The following ADGRL3 variants were observed in gnomAD, a reference collection of about 807,000 sequenced individuals.
ADGRL3 encodes the protein adhesion G protein-coupled receptor L3.
Under a neutral mutation model 153.5 loss-of-function variants are expected in ADGRL3, and 62 were observed. That is an observed-to-expected ratio of 0.40 (90% CI 0.33 to 0.50). The LOEUF (loss-of-function observed/expected upper bound fraction) is 0.50. ADGRL3 is among the 20% of genes least tolerant of loss of function. The pLI, the probability that ADGRL3 is intolerant of heterozygous loss-of-function variation, is 0.47. For synonymous variants in ADGRL3, 710 were observed against 672.5 expected, an observed-to-expected ratio of 1.06 and a Z score of -0.86; for missense variants, 1,641 against 1,859.4, an observed-to-expected ratio of 0.88 and a Z score of 2.16.
chr4:61,335,264 T>C (rs1316802744), intron 1 of ADGRL3, among the ~76,000 whole-genome samples: 1 of 152,138 alleles, frequency 6.6e-6, no homozygotes, highest in East Asian at 1.9e-4. Context: ...GGGATACCTA[T>C]AAAAGCAGGA....
chr4:61,700,432 T>C (rs2095734725), intron 6 of ADGRL3, among the ~76,000 whole-genome samples: 1 of 152,164 alleles, frequency 6.6e-6, no homozygotes, highest in Non-Finnish European at 1.5e-5. Context: ...ACAAAAGTAT[T>C]ACAAAACGGT....
At chr4:61,567,959 A>G (rs985049337) in intron 4 of ADGRL3, among the ~76,000 whole-genome samples, 8 of 152,190 alleles carry the variant, frequency 5.3e-5, no homozygotes, top group Admixed American at 4.6e-4. Flanking sequence ...TGGAACCTCC[A>G]TTGAATTATC....
rs558507614 is a variant in ADGRL3 at position 62,073,463 on chromosome 4, T to A, written c.*2555T>A. 2.0e-5 allele frequency: 3 copies of A among 152,160 alleles called. No homozygotes were observed. The South Asian group carries it at 6.2e-4, about 31-fold the overall frequency. 9.4% of individuals were successfully genotyped at this position (152,160 alleles called of 1,614,324 possible). On this transcript the variant is annotated 3_prime_UTR_variant, in exon 27 of 27. Transcript: ENST00000683033. ...CATTTGGCAATAAAAGAATCCTTTTTAGATGTGTTTATGGTAACTTCAGAA... is the reference window on the plus strand; with the variant it reads ...CATTTGGCAATAAAAGAATCCTTTTAAGATGTGTTTATGGTAACTTCAGAA...
At chr4:61,456,982 T>G (rs1328277112) in intron 2 of ADGRL3, among the ~76,000 whole-genome samples, 1 of 152,026 alleles carries the variant, frequency 6.6e-6, no homozygotes, top group East Asian at 1.9e-4. Context: ...TTTTAAAAAA[T>G]GTATACTTAT....
chr4:61,859,477 A>G (rs1436660201), intron 9 of ADGRL3, among the ~76,000 whole-genome samples: 1 of 152,174 alleles, frequency 6.6e-6, no homozygotes, highest in Non-Finnish European at 1.5e-5. Flanking sequence ...GATGTTGAAA[A>G]ATGATTAGTT....
intron 2 of ADGRL3, among the ~76,000 whole-genome samples, chr4:61,468,850 T>A (rs892084271): frequency 1.3e-5 from 2 of 152,000 alleles, no homozygotes; most frequent in South Asian, 4.2e-4. Flanking sequence ...ATATAACCAC[T>A]CCCTTCTATT....
intron 8 of ADGRL3, among the ~76,000 whole-genome samples, chr4:61,752,473 G>A (rs1340038220): frequency 6.6e-6 from 1 of 150,726 alleles, no homozygotes; most frequent in Non-Finnish European, 1.5e-5. Flanking sequence ...ATGTTGGCAA[G>A]TTCTGTTCAT....
At chr4:61,708,836 G>A (rs2095904975) in intron 6 of ADGRL3, among the ~76,000 whole-genome samples, 1 of 151,876 alleles carries the variant, frequency 6.6e-6, no homozygotes. Flanking sequence ...TTGAGATGGA[G>A]TCTCACTCTG....
chr4:61,459,642 A>T (rs2097788224), intron 2 of ADGRL3, among the ~76,000 whole-genome samples: 1 of 152,154 alleles, frequency 6.6e-6, no homozygotes, highest in Admixed American at 6.6e-5. Context: ...ACTGTTTTCT[A>T]TAATGACTGT....
chr4:61,920,333 G>A (rs2098763010), intron 13 of ADGRL3, among the ~76,000 whole-genome samples: 2 of 152,168 alleles, frequency 1.3e-5, no homozygotes, highest in African/African-American at 2.4e-5. Context: ...TTAAGATCCT[G>A]CTTTCTGAAA....
rs144516851 is a variant in ADGRL3, at chr4:61,973,176, T to C, written c.2806-6387T>C. Among the ~76,000 whole-genome samples the C allele has an allele frequency of 3.4e-4, 52 of 152,176 alleles. No homozygotes were observed. In the East Asian group the frequency reaches 9.5e-3, roughly 28 times the overall value. ...AGTTAGAAATATCAACAGTTTCACA[T>C]AAAGTCTTAGTGTACTTTATGTGAT... On this transcript the variant is annotated intron_variant, in intron 17 of 26. Coordinates refer to ENST00000683033, the MANE Select transcript of ADGRL3 (RefSeq NM_001387552.1).
chr4:61,663,438 G>A (rs923625197), intron 5 of ADGRL3, among the ~76,000 whole-genome samples: 1 of 152,222 alleles, frequency 6.6e-6, no homozygotes, highest in Non-Finnish European at 1.5e-5. Context: ...CTGTGCTGCT[G>A]CCCAAAGGTG....
At chr4:61,291,567 C>CATATATATATATATACATATATATAT (rs2094200616) in intron 1 of ADGRL3, among the ~76,000 whole-genome samples, 2 of 134,370 alleles carry the variant, frequency 1.5e-5, no homozygotes, top group African/African-American at 6.2e-5. Context: ...TATATATATA[C>CATATATATATATATACATATATATAT]ATATATATAT....
At chr4:61,589,000 T>C (rs1469869678) in intron 5 of ADGRL3, among the ~76,000 whole-genome samples, 3 of 152,070 alleles carry the variant, frequency 2.0e-5, no homozygotes, top group Non-Finnish European at 4.4e-5. Context: ...TTCACTGAAA[T>C]TGTTTTAATC....
chr4:62,025,203 G>A lies in ADGRL3; in HGVS notation c.3396-3652G>A, dbSNP rs539403719. Among the ~76,000 whole-genome samples the A allele has an allele frequency of 2.0e-5, 3 of 151,886 alleles. No homozygotes were observed. The South Asian group carries it at 6.2e-4, about 32-fold the overall frequency. On this transcript the variant is annotated intron_variant, in intron 21 of 26. Transcript: ENST00000683033. ...TATCTTAAATATCCTTAAACCACTG[G>A]GTAGCAGATCACTTACTGCTATTTT...
chr4:61,300,764 CTTTCTT>C (rs2094555239), intron 1 of ADGRL3, among the ~76,000 whole-genome samples: 2 of 111,490 alleles, frequency 1.8e-5, no homozygotes, highest in Admixed American at 1.1e-4. Context: ...TCTTTTCTTT[CTTTCTT>C]TTTTTTTTTT....
intron 5 of ADGRL3, among the ~76,000 whole-genome samples, chr4:61,624,886 A>G (rs1456628203): frequency 6.6e-6 from 1 of 152,122 alleles, no homozygotes; most frequent in African/African-American, 2.4e-5. Context: ...ACAGTTAAGA[A>G]ATCTATTTTT....
chr4:61,573,254 C>T (rs998216778), intron 4 of ADGRL3, among the ~76,000 whole-genome samples: 5 of 151,748 alleles, frequency 3.3e-5, no homozygotes, highest in East Asian at 1.9e-4. Context: ...TGGAAAGTTT[C>T]GTATTTTTCC....
Position 61,413,347 on chromosome 4 carries a change from A to G in ADGRL3, c.-174+30158A>G, listed in dbSNP as rs568566870. On this transcript the variant is annotated intron_variant, in intron 2 of 26. Transcript: ENST00000683033. ...TCACCTGGCCTCTGTTTACACCAGCATCTTAGGAAGTGGGGAAACGGGTGC... is the reference window on the plus strand; with the variant it reads ...TCACCTGGCCTCTGTTTACACCAGCGTCTTAGGAAGTGGGGAAACGGGTGC... 1.6e-3 allele frequency among the ~76,000 whole-genome samples: 249 copies of G among 152,160 alleles called. 2 individuals carry two copies. Among genetic ancestry groups the G allele is most frequent in the Non-Finnish European group, 3.1e-3 (210 of 67,990 alleles).
Sources: allele counts gnomAD v4.1 joint callset (sites outside exome capture counted in the v4.1 genomes callset), GRCh38; gene constraint gnomAD v4.1.1; transcripts MANE v1.5; gene names NCBI Gene and HGNC (gene_info 2026-07-23, HGNC 2026-07-21).